Variants in BRI3BP observed in about 807,000 individuals in gnomAD.
BRI3BP encodes BRI3 binding protein, also known as BRI3-binding protein.
A neutral mutation model predicts 15.8 loss-of-function variants in BRI3BP; 7 were observed. The observed-to-expected ratio is 0.44, with a 90% CI of 0.25 to 0.83. The LOEUF (loss-of-function observed/expected upper bound fraction) is 0.83. Ranked by LOEUF, BRI3BP falls within the 40% of genes least tolerant of loss-of-function variation. The pLI, the probability that BRI3BP is intolerant of heterozygous loss-of-function variation, is 0.20. For missense variants in BRI3BP, 320 were observed against 339.3 expected (o/e 0.94, Z 0.45); for synonymous variants, 192 against 163.5 (o/e 1.17, Z -1.33).
At chr12:125,023,680 G>A (rs1346178381) in intron 2 of BRI3BP, among the ~76,000 whole-genome samples, 1 of 152,156 alleles carries the variant, frequency 6.6e-6, no homozygotes, top group African/African-American at 2.4e-5. Context: ...CTGAGTAGCT[G>A]GGACTACAGG....
chr12:125,035,603 G>T (rs1955436315), downstream of BRI3BP, among the ~76,000 whole-genome samples: 1 of 151,946 alleles, frequency 6.6e-6, no homozygotes, highest in African/African-American at 2.4e-5. Context: ...ATGTTGCCTA[G>T]GCTGGTCTTC....
At chr12:125,004,785 G>A (rs763866878) in intron 1 of BRI3BP, among the ~76,000 whole-genome samples, 2 of 152,198 alleles carry the variant, frequency 1.3e-5, no homozygotes, top group Admixed American at 6.5e-5. Context: ...AGGTCCTCTC[G>A]GCTGGGAGTT....
downstream of BRI3BP, among the ~76,000 whole-genome samples, chr12:125,035,202 C>T (rs1004152369): frequency 6.6e-6 from 1 of 152,106 alleles, no homozygotes; most frequent in Non-Finnish European, 1.5e-5. Flanking sequence ...CAGGTAAATA[C>T]TTAGGACCAG....
intron 2 of BRI3BP, among the ~76,000 whole-genome samples, chr12:125,015,935 C>T (rs1360911850): frequency 6.9e-6 from 1 of 144,154 alleles, no homozygotes; most frequent in Admixed American, 7.2e-5. Context: ...CCACCACCTG[C>T]CCGGATTGTC....
chr12:125,008,960 G>T, intron 1 of BRI3BP, among the ~76,000 whole-genome samples: 1 of 151,006 alleles, frequency 6.6e-6, no homozygotes, highest in Admixed American at 6.7e-5. Context: ...TTCACAATAG[G>T]GTTCACACTC....
Position 125,022,541 on chromosome 12 carries a change from A to ATTTATTTATTTATTTATTTTT in BRI3BP, c.317-2447_317-2446insATTTATTTATTTATTTTTTTT. Reference sequence around the variant, plus strand: ...TTATTATTTATTTATTTATTTATTTATTTTTTGAGACAGAGCCTCACTGTG... The same window carrying ATTTATTTATTTATTTATTTTT: ...TTATTATTTATTTATTTATTTATTTATTTATTTATTTATTTATTTTTTTTTTTGAGACAGAGCCTCACTGTG... On this transcript the variant is annotated intron_variant, in intron 2 of 2. Transcript: ENST00000341446. 1.5e-3 allele frequency among the ~76,000 whole-genome samples: 209 copies of ATTTATTTATTTATTTATTTTT among 139,428 alleles called. 6 individuals are homozygous for ATTTATTTATTTATTTATTTTT. The highest frequency in any genetic ancestry group is 5.6e-3 in the African/African-American group (192 of 34,526). 91.5% of individuals were successfully genotyped at this position (139,428 alleles called of 152,430 possible).
intron 1 of BRI3BP, among the ~76,000 whole-genome samples, chr12:124,997,998 C>T (rs1955054599): frequency 6.6e-6 from 1 of 152,122 alleles, no homozygotes; most frequent in African/African-American, 2.4e-5. Context: ...GTGATGCATG[C>T]CTGTAATCCC....
At chr12:125,044,450 A>C in the BRI3BP span, among the ~76,000 whole-genome samples, 30 of 138,250 alleles carry the variant, frequency 2.2e-4, no homozygotes, top group African/African-American at 8.2e-4. Context: ...TGCCCGGCCA[A>C]TTTTTTTTTT....
At chr12:125,048,077 G>C in the BRI3BP span, among the ~76,000 whole-genome samples, 1 of 151,882 alleles carries the variant, frequency 6.6e-6, no homozygotes, top group African/African-American at 2.4e-5. Context: ...TTCTGAGTTT[G>C]GGTGGATAGT....
At position 125,014,939 on chromosome 12, in the gene BRI3BP, G is replaced by T. The variant is rs556789460; in HGVS notation, c.316+2303G>T. Among the ~76,000 whole-genome samples, 7 of 152,170 alleles carry T rather than the reference G, an allele frequency of 4.6e-5. No homozygotes were observed. In the East Asian group the frequency reaches 1.2e-3, roughly 25 times the overall value. On this transcript the variant is annotated intron_variant, in intron 2 of 2. Transcript: ENST00000341446. ...ATGCCACCACACCTGGCTAATTTTT[G>T]AATTTTCTGTAGAGACAGGGTCTTA...
At chr12:124,995,117 A>G (rs1309506765) in intron 1 of BRI3BP, among the ~76,000 whole-genome samples, 1 of 152,220 alleles carries the variant, frequency 6.6e-6, no homozygotes, top group Non-Finnish European at 1.5e-5. Context: ...TTCTTACTGG[A>G]TAACATGAAA....
chr12:125,017,712 A>C (rs1287209140), intron 2 of BRI3BP, among the ~76,000 whole-genome samples: 2 of 152,172 alleles, frequency 1.3e-5, no homozygotes, highest in Non-Finnish European at 2.9e-5. Flanking sequence ...AGGATGGCTT[A>C]GAAGGATGGA....
chr12:125,030,267 T>C lies in BRI3BP; in HGVS notation c.*4837T>C, dbSNP rs1955396382. ...TCTATCTTGCATTAAAAGGAATTCC[T>C]GAGGCTCCTAAGGGGTCAGCTGCCC... On this transcript the variant is annotated 3_prime_UTR_variant, in exon 3 of 3. Coordinates refer to ENST00000341446, the MANE Select transcript of BRI3BP (RefSeq NM_080626.6). The C allele has an allele frequency of 6.6e-6, 1 of 152,234 alleles. No individual in the cohort carries two copies. The highest frequency in any genetic ancestry group is 1.5e-5 in the Non-Finnish European group (1 of 68,044). 9.4% of individuals were successfully genotyped at this position (152,234 alleles called of 1,614,324 possible). A position where few individuals can be genotyped will look rare whatever the true frequency, so the allele number is the denominator to read the frequency against.
At chr12:125,037,904 C>T in the BRI3BP span, among the ~76,000 whole-genome samples, 4 of 151,988 alleles carry the variant, frequency 2.6e-5, no homozygotes, top group South Asian at 2.1e-4. Context: ...TGTAAGTACA[C>T]GTGTGTATGT....
chr12:125,044,450 A>ATTTT, the BRI3BP span, among the ~76,000 whole-genome samples: 1 of 138,234 alleles, frequency 7.2e-6, no homozygotes, highest in Non-Finnish European at 1.6e-5. Flanking sequence ...TGCCCGGCCA[A>ATTTT]TTTTTTTTTT....
rs1300733215 is a variant in BRI3BP, at chr12:125,026,331, T to C, written c.*901T>C. On this transcript the variant is annotated 3_prime_UTR_variant, in exon 3 of 3. Transcript: ENST00000341446. ...ATACCCTTGAGGGTTTTTTTTTTTT[T>C]CTTTTGATTTCCTCAGGACCTTAGA... 1 of 148,234 alleles carries C rather than the reference T, an allele frequency of 6.7e-6. No individual in the cohort carries two copies. Among genetic ancestry groups the C allele is most frequent in the Non-Finnish European group, 1.5e-5 (1 of 66,658 alleles). 9.2% of individuals were successfully genotyped at this position (148,234 alleles called of 1,614,324 possible). A position where few individuals can be genotyped will look rare whatever the true frequency, so the allele number is the denominator to read the frequency against.
chr12:125,013,891 G>A (rs1345295566), intron 2 of BRI3BP, among the ~76,000 whole-genome samples: 1 of 152,082 alleles, frequency 6.6e-6, no homozygotes, highest in Admixed American at 6.5e-5. Flanking sequence ...AGGCAGCAAC[G>A]GTCATGGTAA....
intron 2 of BRI3BP, among the ~76,000 whole-genome samples, chr12:125,014,108 T>C (rs1955219451): frequency 6.6e-6 from 1 of 152,162 alleles, no homozygotes; most frequent in Non-Finnish European, 1.5e-5. Context: ...AGGCATCCCA[T>C]GCTCTCAGGA....
Position 125,011,374 on chromosome 12 carries a change from C to T in BRI3BP, c.214-1160C>T, listed in dbSNP as rs377052434. Among the ~76,000 whole-genome samples the T allele has an allele frequency of 2.6e-4, 39 of 152,212 alleles. 1 individual carries two copies. The highest frequency in any genetic ancestry group is 8.2e-4 in the African/African-American group (34 of 41,524). On this transcript the variant is annotated intron_variant, in intron 1 of 2. Coordinates refer to ENST00000341446, the MANE Select transcript of BRI3BP (RefSeq NM_080626.6). ...CACTTGGTGGCATTCATCATGGGCT[C>T]GCTGTTTTTTCCCCTGTAATAGCCA... is the stretch of plus-strand genomic sequence containing the variant.
Sources: allele counts gnomAD v4.1 joint callset (sites outside exome capture counted in the v4.1 genomes callset), GRCh38; gene constraint gnomAD v4.1.1; transcripts MANE v1.5; gene names NCBI Gene and HGNC (gene_info 2026-07-23, HGNC 2026-07-21).